ZFHX3: variants seen among roughly 807,000 people sequenced by gnomAD.
ZFHX3 encodes zinc finger homeobox protein 3.
A neutral mutation model predicts 279.1 loss-of-function variants in ZFHX3; 42 were observed. That is an observed-to-expected ratio of 0.15 (90% CI 0.12 to 0.19). The LOEUF (loss-of-function observed/expected upper bound fraction) is 0.19, where lower values mean the gene tolerates loss of function less well. Among genes scored for constraint, ZFHX3 ranks in the 10% least tolerant of loss-of-function variants. The pLI is 1.00. For missense variants in ZFHX3, 4,981 were observed against 4,754.0 expected (o/e 1.05, Z -1.40); for synonymous variants, 2,293 against 1,957.8 (o/e 1.17, Z -4.52).
At chr16:73,877,035 T>A (rs574279698) in intron 1 of ZFHX3, among the ~76,000 whole-genome samples, 22 of 150,932 alleles carry the variant, frequency 1.5e-4, no homozygotes, top group Middle Eastern at 3.4e-3. Context: ...TAATGATGAC[T>A]TTCAAAAAAA....
intron 4 of ZFHX3, among the ~76,000 whole-genome samples, chr16:72,863,521 C>G (rs1389280992): frequency 2.7e-5 from 4 of 145,554 alleles, no homozygotes; most frequent in African/African-American, 5.6e-5. Flanking sequence ...GAGAGAGAGA[C>G]AGAGACAGAG....
chr16:73,729,296 G>A (rs913101641), intron 1 of ZFHX3, among the ~76,000 whole-genome samples: 1 of 152,228 alleles, frequency 6.6e-6, no homozygotes, highest in Non-Finnish European at 1.5e-5. Context: ...GGAGGCCAAA[G>A]TGGGTGGATC....
intron 7 of ZFHX3, among the ~76,000 whole-genome samples, chr16:73,100,110 G>C (rs1333938175): frequency 6.6e-6 from 1 of 152,122 alleles, no homozygotes; most frequent in Non-Finnish European, 1.5e-5. Context: ...CAATTCCGGG[G>C]CTCCACCATT....
intron 7 of ZFHX3, among the ~76,000 whole-genome samples, chr16:73,115,542 C>G (rs1966422239): frequency 6.6e-6 from 1 of 151,922 alleles, no homozygotes; most frequent in African/African-American, 2.4e-5. Context: ...AGAATGAGAC[C>G]CTCTCTGAAG....
At chr16:72,992,517 C>T (rs1457190044) in intron 1 of ZFHX3, among the ~76,000 whole-genome samples, 2 of 152,108 alleles carry the variant, frequency 1.3e-5, no homozygotes, top group Admixed American at 1.3e-4. Flanking sequence ...TATGCTCGGC[C>T]AAGATTGCAA....
chr16:73,585,352 G>T (rs563079052), intron 2 of ZFHX3, among the ~76,000 whole-genome samples: 1 of 152,328 alleles, frequency 6.6e-6, no homozygotes, highest in African/African-American at 2.4e-5. Context: ...GGAGGCGGAG[G>T]TTGCAGTGAG....
intron 1 of ZFHX3, among the ~76,000 whole-genome samples, chr16:72,974,459 A>G (rs1442785449): frequency 6.6e-6 from 1 of 152,174 alleles, no homozygotes; most frequent in Non-Finnish European, 1.5e-5. Context: ...GGCAGGAAGA[A>G]AACCACTCGG....
chr16:73,147,649 G>A (rs963864079), intron 5 of ZFHX3, among the ~76,000 whole-genome samples: 1 of 125,930 alleles, frequency 7.9e-6, no homozygotes, highest in Non-Finnish European at 1.6e-5. Context: ...CCGAGATCGC[G>A]CCACCGCACT....
chr16:72,859,559 C>G (rs1340679389), intron 4 of ZFHX3, among the ~76,000 whole-genome samples: 1 of 152,192 alleles, frequency 6.6e-6, no homozygotes, highest in Non-Finnish European at 1.5e-5. Flanking sequence ...TTTTCTGTCT[C>G]CCATAGAGGG....
intron 1 of ZFHX3, among the ~76,000 whole-genome samples, chr16:73,879,955 T>C (rs1312890415): frequency 1.3e-5 from 2 of 152,196 alleles, no homozygotes; most frequent in Non-Finnish European, 2.9e-5. Flanking sequence ...TTCAATTTTA[T>C]ATACATTAGT....
Position 72,953,840 on chromosome 16 carries a change from T to C in ZFHX3, c.2720-2875A>G, listed in dbSNP as rs571145366. ...CCTTGGACTCCCACAGTGTTGGGAT[T>C]ACAGGCATGAGCCACCATGCCTGGC... On this transcript the variant is annotated intron_variant, in intron 2 of 9. Transcript: ENST00000268489. Among the ~76,000 whole-genome samples the C allele has an allele frequency of 3.3e-5, 5 of 152,210 alleles. No individual in the cohort carries two copies. The East Asian group carries it at 9.7e-4, about 29-fold the overall frequency.
At chr16:73,200,138 T>G (rs1465684881) in intron 5 of ZFHX3, among the ~76,000 whole-genome samples, 1 of 152,070 alleles carries the variant, frequency 6.6e-6, no homozygotes. Context: ...AACATACCAG[T>G]GTTATGAAGA....
chr16:72,792,244 C>A (rs1021391365), intron 9 of ZFHX3, among the ~76,000 whole-genome samples: 2 of 151,894 alleles, frequency 1.3e-5, no homozygotes, highest in African/African-American at 4.8e-5. Context: ...TGATCAGGAG[C>A]AAGGAAAAGG....
intron 1 of ZFHX3, among the ~76,000 whole-genome samples, chr16:73,031,736 G>A (rs992966662): frequency 3.3e-5 from 5 of 152,154 alleles, no homozygotes; most frequent in African/African-American, 1.2e-4. Flanking sequence ...GGCGTGCAGG[G>A]CGGAAGATCC....
intron 3 of ZFHX3, among the ~76,000 whole-genome samples, chr16:73,331,268 T>C (rs1322062648): frequency 6.6e-6 from 1 of 151,928 alleles, no homozygotes; most frequent in East Asian, 1.9e-4. Flanking sequence ...TCTAATCACC[T>C]CCCATGACGT....
At chr16:73,114,013 G>T (rs960844628) in intron 7 of ZFHX3, among the ~76,000 whole-genome samples, 1 of 151,904 alleles carries the variant, frequency 6.6e-6, no homozygotes, top group Middle Eastern at 3.4e-3. Flanking sequence ...AGCCAGGATG[G>T]TCTCCATCTC....
intron 1 of ZFHX3, among the ~76,000 whole-genome samples, chr16:73,689,400 CTA>C (rs1463134117): frequency 6.6e-6 from 1 of 152,148 alleles, no homozygotes; most frequent in African/African-American, 2.4e-5. Context: ...CATGCCTGAG[CTA>C]TGTGCACAAA....
chr16:73,474,826 G>T (rs60552724), intron 2 of ZFHX3, among the ~76,000 whole-genome samples: 5,158 of 152,274 alleles, frequency 0.034, 124 homozygotes, highest in African/African-American at 0.065. Flanking sequence ...TGGTTATGTC[G>T]ATTAACCTAT....
chr16:73,273,089 G>A (rs1161315453), intron 4 of ZFHX3, among the ~76,000 whole-genome samples: 1 of 152,020 alleles, frequency 6.6e-6, no homozygotes, highest in Non-Finnish European at 1.5e-5. Flanking sequence ...CACTAGACAG[G>A]GCACAATGCT....
Sources: gnomAD v4.1 joint callset for allele counts (sites outside exome capture counted in the v4.1 genomes callset) on GRCh38, gnomAD v4.1.1 for gene constraint, MANE v1.5 for transcripts, NCBI Gene and HGNC (gene_info 2026-07-23, HGNC 2026-07-21) for gene names.